Variants in PRMT3 observed in about 807,000 individuals in gnomAD.
PRMT3 encodes protein arginine N-methyltransferase 3.
In PRMT3, 62 loss-of-function variants were observed where a neutral mutation model predicts 71.9. The observed-to-expected ratio is 0.86, with a 90% CI of 0.70 to 1.07. PRMT3 has a LOEUF of 1.07. PRMT3 is among the 50% of genes least tolerant of loss of function. The pLI is 0.00. For synonymous variants in PRMT3, 213 were observed against 220.4 expected (o/e 0.97, Z 0.30); for missense variants, 663 against 643.0 (o/e 1.03, Z -0.34).
At chr11:20,457,160 C>T (rs1342539972) in intron 11 of PRMT3, among the ~76,000 whole-genome samples, 2 of 152,124 alleles carry the variant, frequency 1.3e-5, no homozygotes, top group Non-Finnish European at 2.9e-5. Context: ...GCCTTGTCAT[C>T]TCATTCCTTT....
At chr11:20,486,308 G>A (rs1470448974) in intron 13 of PRMT3, among the ~76,000 whole-genome samples, 1 of 152,126 alleles carries the variant, frequency 6.6e-6, no homozygotes, top group Non-Finnish European at 1.5e-5. Context: ...AAATTTTTTG[G>A]TATGTGAATT....
chr11:20,406,667 A>G (rs981048501), intron 8 of PRMT3: 1 of 152,230 alleles, frequency 6.6e-6, no homozygotes, highest in African/African-American at 2.4e-5. Flanking sequence ...TATACCCAGA[A>G]ATGAAATTGC....
At chr11:20,498,067 A>G (rs1380467345) in intron 15 of PRMT3, among the ~76,000 whole-genome samples, 4 of 152,368 alleles carry the variant, frequency 2.6e-5, no homozygotes, top group East Asian at 1.9e-4. Context: ...GATGGAATTA[A>G]TGGCAGAAGA....
At chr11:20,493,629 C>T (rs956139871) in intron 13 of PRMT3, among the ~76,000 whole-genome samples, 1 of 151,050 alleles carries the variant, frequency 6.6e-6, no homozygotes, top group African/African-American at 2.4e-5. Context: ...CTGAGTCTCT[C>T]TCTCCATGTG....
At chr11:20,465,999 T>C (rs772291116) in intron 13 of PRMT3, among the ~76,000 whole-genome samples, 1 of 152,194 alleles carries the variant, frequency 6.6e-6, no homozygotes, top group East Asian at 1.9e-4. Flanking sequence ...GTATTAAATA[T>C]ATATTTCACA....
chr11:20,443,838 G>C (rs1849963599), intron 10 of PRMT3, among the ~76,000 whole-genome samples: 1 of 152,130 alleles, frequency 6.6e-6, no homozygotes, highest in Admixed American at 6.5e-5. Flanking sequence ...GCTAATACAA[G>C]TTTTTTAAAC....
intron 4 of PRMT3, 62 bp downstream of exon 4, chr11:20,392,322 C>T (rs1848732390): frequency 4.8e-6 from 7 of 1,461,960 alleles, no homozygotes; most frequent in Non-Finnish European, 6.5e-6. Flanking sequence ...CAGTGACTGT[C>T]AGTGTACTGA....
In PRMT3 at chr11:20,434,125, C is replaced by A. The variant is rs1162031424; in HGVS notation, c.993+7260C>A. Among the ~76,000 whole-genome samples the A allele has an allele frequency of 2.6e-5, 4 of 152,104 alleles. No individual in the cohort carries two copies. In the East Asian group the frequency reaches 7.7e-4, roughly 29 times the overall value. ...TTTTGATGTTCATTTCTCTAATGAT[C>A]AGTGATATTGAGCTTTTCTTCATAT... On this transcript the variant is annotated intron_variant, in intron 10 of 15. Transcript: ENST00000331079.
intron 13 of PRMT3, among the ~76,000 whole-genome samples, chr11:20,475,027 A>AATAAGG (rs1850745767): frequency 6.6e-6 from 1 of 152,196 alleles, no homozygotes; most frequent in Non-Finnish European, 1.5e-5. Flanking sequence ...AACATTCTTA[A>AATAAGG]ATAAGGAAGG....
intron 13 of PRMT3, among the ~76,000 whole-genome samples, chr11:20,491,680 GT>G (rs1323306658): frequency 6.6e-6 from 1 of 151,788 alleles, no homozygotes; most frequent in Non-Finnish European, 1.5e-5. Flanking sequence ...GTTGGTTTCG[GT>G]TTTTTTTCCA....
At chr11:20,498,507 T>C (rs1590113228) in intron 15 of PRMT3, among the ~76,000 whole-genome samples, 1 of 152,184 alleles carries the variant, frequency 6.6e-6, no homozygotes, top group Admixed American at 6.5e-5. Flanking sequence ...GGCAGGCAGA[T>C]TGCCTGAGCT....
chr11:20,406,820 A>G lies in PRMT3; in HGVS notation c.772-1091A>G, dbSNP rs1849081932. ...TCCTTAGCAATACTTGTTGTTTTCT[A>G]GTTTTTTGATAATAGCTATCCTAGT... is the stretch of plus-strand genomic sequence containing the variant. On this transcript the variant is annotated intron_variant, in intron 8 of 15. Transcript: ENST00000331079. 2.0e-5 allele frequency: 3 copies of G among 152,086 alleles called. No individual in the cohort carries two copies. The South Asian group carries it at 6.2e-4, about 32-fold the overall frequency. 9.4% of individuals were successfully genotyped at this position (152,086 alleles called of 1,614,324 possible).
rs185172339 is a variant in PRMT3 at position 20,445,925 on chromosome 11, T to A, written c.994-6205T>A. Among the ~76,000 whole-genome samples, 479 of 152,288 alleles carry A rather than the reference T, an allele frequency of 3.1e-3. 7 individuals carry two copies. In the Middle Eastern group the frequency reaches 0.037, roughly 12 times the overall value. Reference sequence around the variant, plus strand: ...ATAAGGATAATTTATTTTCTATAGATGTCGTTGTATGAATGTACCACAAGA... The same window carrying A: ...ATAAGGATAATTTATTTTCTATAGAAGTCGTTGTATGAATGTACCACAAGA... On this transcript the variant is annotated intron_variant, in intron 10 of 15. Coordinates refer to ENST00000331079, the MANE Select transcript of PRMT3 (RefSeq NM_005788.4).
At chr11:20,441,995 G>A (rs972288150) in intron 10 of PRMT3, among the ~76,000 whole-genome samples, 2 of 152,088 alleles carry the variant, frequency 1.3e-5, no homozygotes, top group Non-Finnish European at 2.9e-5. Context: ...GTTTCGCCAT[G>A]TTGGCGGGGC....
In PRMT3 at chr11:20,508,558, G is replaced by T. The variant is rs761553984; in HGVS notation, c.*145G>T. ...CCTCAATAAGAGAGAAGTTCTCATT[G>T]TGGGAATCTGACATAGTTCAGCTGA... On this transcript the variant is annotated 3_prime_UTR_variant, in exon 16 of 16. Transcript: ENST00000331079. The T allele has an allele frequency of 1.4e-6, 1 of 710,612 alleles. No individual in the cohort carries two copies. Among genetic ancestry groups the T allele is most frequent in the South Asian group, 1.5e-5 (1 of 67,106 alleles). The allele number at this position is 710,612 out of a possible 1,614,324, so 44.0% of individuals were successfully genotyped here.
At chr11:20,465,147 G>A (rs991317503) in intron 13 of PRMT3, among the ~76,000 whole-genome samples, 3 of 151,940 alleles carry the variant, frequency 2.0e-5, no homozygotes, top group African/African-American at 4.8e-5. Flanking sequence ...ATTCTGTTTC[G>A]ATGACTCATT....
chr11:20,452,079 A>G lies in PRMT3; in HGVS notation c.994-51A>G, dbSNP rs765456698. On this transcript the variant is annotated intron_variant, in intron 10 of 15. Coordinates refer to ENST00000331079, the MANE Select transcript of PRMT3 (RefSeq NM_005788.4). ...CACCGATGTTTAAATTGACCTGCTT[A>G]TGAGAGTATTGCACATTTCTAAACT... 3.8e-6 allele frequency: 5 copies of G among 1,328,558 alleles called. No homozygotes were observed. In the African/African-American group the frequency reaches 4.4e-5, roughly 12 times the overall value. 82.3% of individuals were successfully genotyped at this position (1,328,558 alleles called of 1,614,324 possible).
In PRMT3 at chr11:20,508,556, T is replaced by C. The variant is rs753663385; in HGVS notation, c.*143T>C. On this transcript the variant is annotated 3_prime_UTR_variant, in exon 16 of 16. Coordinates refer to ENST00000331079, the MANE Select transcript of PRMT3 (RefSeq NM_005788.4). Reference sequence around the variant, plus strand: ...CTCCTCAATAAGAGAGAAGTTCTCATTGTGGGAATCTGACATAGTTCAGCT... The same window carrying C: ...CTCCTCAATAAGAGAGAAGTTCTCACTGTGGGAATCTGACATAGTTCAGCT... The C allele has an allele frequency of 1.4e-6, 1 of 713,246 alleles. No individual in the cohort carries two copies. Among genetic ancestry groups the C allele is most frequent in the South Asian group, 1.5e-5 (1 of 67,204 alleles). The allele number at this position is 713,246 out of a possible 1,614,324, so 44.2% of individuals were successfully genotyped here.
chr11:20,455,532 A>T (rs1028992902), intron 11 of PRMT3, among the ~76,000 whole-genome samples: 3 of 152,118 alleles, frequency 2.0e-5, no homozygotes, highest in African/African-American at 7.2e-5. Context: ...GTTTTGCTGC[A>T]TATAAATTAT....
Sources: gnomAD v4.1 joint callset for allele counts (sites outside exome capture counted in the v4.1 genomes callset) on GRCh38, gnomAD v4.1.1 for gene constraint, MANE v1.5 for transcripts, NCBI Gene and HGNC (gene_info 2026-07-23, HGNC 2026-07-21) for gene names.